EPHB2: variants seen among roughly 807,000 people sequenced by gnomAD.
EPHB2 encodes the protein EPH receptor B2, also known as ephrin type-B receptor 2.
In EPHB2, 18 loss-of-function variants were observed where a neutral mutation model predicts 96.4. That is an observed-to-expected ratio of 0.19 (90% CI 0.13 to 0.28). The LOEUF is 0.28. EPHB2 is among the 10% of genes least tolerant of loss of function. EPHB2 has a pLI of 1.00. For synonymous variants in EPHB2, 506 were observed against 534.1 expected (o/e 0.95, Z 0.72); for missense variants, 989 against 1,355.4 (o/e 0.73, Z 4.25).
intron 1 of EPHB2, among the ~76,000 whole-genome samples, chr1:22,758,562 G>A (rs951155261): frequency 6.6e-6 from 1 of 152,092 alleles, no homozygotes; most frequent in Non-Finnish European, 1.5e-5. Context: ...TGCTGCCCTT[G>A]TGCCACGCCT....
intron 5 of EPHB2, among the ~76,000 whole-genome samples, chr1:22,874,348 G>T (rs2148539769): frequency 6.6e-6 from 1 of 152,324 alleles, no homozygotes; most frequent in East Asian, 1.9e-4. Context: ...TTAGCATCTT[G>T]CTAGTCCAGG....
chr1:22,820,409 C>G (rs1246584530), intron 3 of EPHB2, among the ~76,000 whole-genome samples: 1 of 152,082 alleles, frequency 6.6e-6, no homozygotes, highest in African/African-American at 2.4e-5. Context: ...GCCTGTAATC[C>G]CAGCACTTTG....
chr1:22,810,252 AGGAAG>A (rs1644984074), intron 3 of EPHB2, among the ~76,000 whole-genome samples: 1 of 152,152 alleles, frequency 6.6e-6, no homozygotes, highest in African/African-American at 2.4e-5. Context: ...ATCCTACGGC[AGGAAG>A]GGCCTGCTCA....
At chr1:22,781,276 C>T (rs61768164) in intron 1 of EPHB2, 145 bp from the exon 2 acceptor site, 2 of 760,214 alleles carry the variant, frequency 2.6e-6, no homozygotes, top group Non-Finnish European at 4.3e-6. Context: ...GCCGAGATCA[C>T]ACCACTGCAC....
At chr1:22,816,608 C>T (rs1645078537) in intron 3 of EPHB2, among the ~76,000 whole-genome samples, 1 of 152,188 alleles carries the variant, frequency 6.6e-6, no homozygotes. Context: ...GTTCCCTCTC[C>T]TCCAGCCTCC....
In EPHB2 at chr1:22,811,929, C is replaced by T. The variant is rs1645008703; in HGVS notation, c.811+26853C>T. 2.0e-5 allele frequency among the ~76,000 whole-genome samples: 3 copies of T among 152,210 alleles called. No homozygotes were observed. In the South Asian group the frequency reaches 6.2e-4, roughly 31 times the overall value. On this transcript the variant is annotated intron_variant, in intron 3 of 15. Coordinates refer to ENST00000374630, the MANE Select transcript of EPHB2 (RefSeq NM_017449.5). The stretch of plus-strand genomic sequence containing the variant: ...TGGCATGCACCTATAATCCCAGCTC[C>T]TCAGGAGGCTGAGGTAGGTGGATCA...
intron 3 of EPHB2, among the ~76,000 whole-genome samples, chr1:22,821,865 TA>T (rs1645156787): frequency 6.6e-6 from 1 of 152,168 alleles, no homozygotes; most frequent in Non-Finnish European, 1.5e-5. Flanking sequence ...ACTCTGAAGC[TA>T]GGGGTGGTTT....
chr1:22,913,711 G>T lies in EPHB2; in HGVS notation c.*141G>T. 1 of 1,601,488 alleles carries T rather than the reference G, an allele frequency of 6.2e-7. No individual in the cohort carries two copies. The highest frequency in any genetic ancestry group is 8.5e-7 in the Non-Finnish European group (1 of 1,174,264). ...CCACGGGAAGAACCAAGCGGTGCCA[G>T]CCACGAGACGTCACCAAGAAAACAT... On this transcript the variant is annotated 3_prime_UTR_variant, in exon 16 of 16. Coordinates refer to ENST00000374630, the MANE Select transcript of EPHB2 (RefSeq NM_017449.5). The surrounding 1 kb of genome is among the most constrained non-coding windows in gnomAD (Gnocchi z 4.1).
At chr1:22,797,528 C>A (rs747918042) in intron 3 of EPHB2, among the ~76,000 whole-genome samples, 1 of 152,088 alleles carries the variant, frequency 6.6e-6, no homozygotes, top group Non-Finnish European at 1.5e-5. Flanking sequence ...CTTCTCTCTC[C>A]CTGATGACTC....
chr1:22,801,687 G>A lies in EPHB2; in HGVS notation c.811+16611G>A, dbSNP rs562729067. ...CAGCATAGGGAAACTCCAGCCTAGA[G>A]GAAATAGGCCCTCAGCCTCTGTCAC... On this transcript the variant is annotated intron_variant, in intron 3 of 15. Transcript: ENST00000374630. 2.6e-5 allele frequency among the ~76,000 whole-genome samples: 4 copies of A among 152,310 alleles called. No individual in the cohort carries two copies. The South Asian group carries it at 8.3e-4, about 32-fold the overall frequency.
At chr1:22,838,224 G>A (rs974170667) in intron 3 of EPHB2, among the ~76,000 whole-genome samples, 9 of 152,282 alleles carry the variant, frequency 5.9e-5, no homozygotes, top group South Asian at 2.1e-4. Context: ...GGTCACCCCC[G>A]ATCCCAGTGA....
intron 3 of EPHB2, chr1:22,800,421 G>A (rs1247137409): frequency 1.3e-5 from 2 of 152,218 alleles, no homozygotes; most frequent in Non-Finnish European, 1.5e-5. Flanking sequence ...CAGCATATGT[G>A]TGCAGGGAGG....
At chr1:22,767,851 A>G (rs145363102) in intron 1 of EPHB2, among the ~76,000 whole-genome samples, 4 of 152,324 alleles carry the variant, frequency 2.6e-5, no homozygotes, top group East Asian at 3.9e-4. Context: ...TGGGAAAGCA[A>G]TGGTCACTAA....
chr1:22,888,015 A>C (rs1271319352), intron 6 of EPHB2, among the ~76,000 whole-genome samples: 1 of 151,900 alleles, frequency 6.6e-6, no homozygotes, highest in Non-Finnish European at 1.5e-5. Flanking sequence ...CTTACTCTAT[A>C]ATGGTTTTTT....
intron 3 of EPHB2, among the ~76,000 whole-genome samples, chr1:22,815,356 A>C (rs1175128142): frequency 6.6e-6 from 1 of 152,276 alleles, no homozygotes; most frequent in Non-Finnish European, 1.5e-5. Context: ...CCATTTTCCA[A>C]ATAGGGAAAC....
intron 3 of EPHB2, among the ~76,000 whole-genome samples, chr1:22,826,551 G>A (rs1423925623): frequency 3.9e-5 from 6 of 152,194 alleles, no homozygotes; most frequent in African/African-American, 7.2e-5. Context: ...TCCTGGCATC[G>A]GAGGACTGGA....
chr1:22,805,092 G>A (rs1034447211), intron 3 of EPHB2, among the ~76,000 whole-genome samples: 25 of 144,556 alleles, frequency 1.7e-4, no homozygotes, highest in Admixed American at 5.7e-4. Flanking sequence ...GCCACACCTT[G>A]CCCCCTCTCC....
Position 22,917,940 on chromosome 1 carries a change from C to G in EPHB2, c.*4370C>G, listed in dbSNP as rs955837391. ...TCCAAGACGCAGCTGCCAGAATGGTCCAACACAGTGAGGAGTTGTGTCTGG... is the reference window on the plus strand; with the variant it reads ...TCCAAGACGCAGCTGCCAGAATGGTGCAACACAGTGAGGAGTTGTGTCTGG... On this transcript the variant is annotated 3_prime_UTR_variant, in exon 16 of 16. Transcript: ENST00000374630. The G allele has an allele frequency of 2.6e-5, 4 of 152,262 alleles. No individual in the cohort carries two copies. The highest frequency in any genetic ancestry group is 9.7e-5 in the African/African-American group (4 of 41,408). 9.4% of individuals were successfully genotyped at this position (152,262 alleles called of 1,614,324 possible).
intron 3 of EPHB2, among the ~76,000 whole-genome samples, chr1:22,833,935 T>C (rs1179276886): frequency 6.6e-6 from 1 of 151,970 alleles, no homozygotes. Flanking sequence ...GGTAGCAAGA[T>C]ACATTTCAGA....
Sources: allele counts gnomAD v4.1 joint callset (sites outside exome capture counted in the v4.1 genomes callset), GRCh38; gene constraint gnomAD v4.1.1; non-coding constraint Gnocchi (gnomAD v3.1); transcripts MANE v1.5; gene names NCBI Gene and HGNC (gene_info 2026-07-23, HGNC 2026-07-21).